The following CEP104 variants were observed in gnomAD, a reference collection of about 807,000 sequenced individuals.
CEP104 encodes centrosomal protein 104, also known as centrosomal protein of 104 kDa.
In CEP104, 84 loss-of-function variants were observed where a neutral mutation model predicts 113.3. That is an observed-to-expected ratio of 0.74 (90% CI 0.62 to 0.89). CEP104 has a LOEUF of 0.89. Among genes scored for constraint, CEP104 ranks in the 40% least tolerant of loss-of-function variants. The pLI is 0.00. For missense variants in CEP104, 1,053 were observed against 1,156.6 expected (o/e 0.91, Z 1.30); for synonymous variants, 378 against 421.7 (o/e 0.90, Z 1.27).
chr1:3,830,686 G>A (rs1644187041), intron 13 of CEP104, among the ~76,000 whole-genome samples: 1 of 149,382 alleles, frequency 6.7e-6, no homozygotes, highest in South Asian at 2.1e-4. Flanking sequence ...TGAGGCAGGA[G>A]AATGGCATGA....
chr1:3,835,672 A>G (rs925607026), intron 10 of CEP104, among the ~76,000 whole-genome samples: 1 of 151,996 alleles, frequency 6.6e-6, no homozygotes, highest in African/African-American at 2.4e-5. Flanking sequence ...CGCCTGGCCA[A>G]CTCTACTCAT....
rs994074047 is a variant in CEP104, at chr1:3,814,517, C to A, written c.*885G>T. On this transcript the variant is annotated 3_prime_UTR_variant, in exon 22 of 22. Transcript: ENST00000378230. ...ATGTGGAAGGGGCGGGAGGCCCATA[C>A]CAGTGGGCTTCTGCCTGCTGTGAAC... 1 of 152,242 alleles carries A rather than the reference C, an allele frequency of 6.6e-6. No individual in the cohort carries two copies. Among genetic ancestry groups the A allele is most frequent in the Admixed American group, 6.5e-5 (1 of 15,288 alleles). The allele number at this position is 152,242 out of a possible 1,614,324, so 9.4% of individuals were successfully genotyped here. A position where few individuals can be genotyped will look rare whatever the true frequency, so the allele number is the denominator to read the frequency against.
At chr1:3,816,528 G>A (rs1643883838) in intron 20 of CEP104, 158 bp from the exon 21 acceptor site, 22 of 595,978 alleles carry the variant, frequency 3.7e-5, no homozygotes, top group Non-Finnish European at 1.2e-5. Flanking sequence ...CCTCCCTTCG[G>A]ATATGTTATG....
At chr1:3,854,107 C>G (rs1409429174) in intron 1 of CEP104, among the ~76,000 whole-genome samples, 1 of 152,136 alleles carries the variant, frequency 6.6e-6, no homozygotes, top group Non-Finnish European at 1.5e-5. Flanking sequence ...AGGTACTTTT[C>G]CCTTGGCCAC....
chr1:3,817,646 C>G (rs959922838), intron 20 of CEP104, among the ~76,000 whole-genome samples: 1 of 152,208 alleles, frequency 6.6e-6, no homozygotes, highest in African/African-American at 2.4e-5. Context: ...GGCCCACCGG[C>G]ACATGGGGTG....
In CEP104 at chr1:3,848,755, A is replaced by G. The variant is rs553224586; in HGVS notation, c.140T>C (p.Val47Ala). The change falls in exon 3 of 22, where the codon GTC becomes GCC. Residue 47 changes from valine to alanine, a missense_variant. Val to Ala is a moderately conservative substitution (Grantham distance 64). Coordinates refer to ENST00000378230, the MANE Select transcript of CEP104 (RefSeq NM_014704.4). ...TCGACATCTCTCCACCATTTGAAGG[A>G]CAATTTCTTGTGGAAACTGGCAAAA... The part of the protein sequence containing the change: ...PRFCQFPQEI[V>A]LQMVERCRIR... 3 of 1,609,876 alleles carry G rather than the reference A, an allele frequency of 1.9e-6. No homozygotes were observed. The South Asian group carries it at 3.3e-5, about 18-fold the overall frequency.
chr1:3,845,975 A>AATCTCCC (rs1644498402), intron 4 of CEP104, among the ~76,000 whole-genome samples: 1 of 150,254 alleles, frequency 6.7e-6, no homozygotes, highest in Non-Finnish European at 1.5e-5. Context: ...GCTACTCAGG[A>AATCTCCC]GGCTGAGGCA....
intron 1 of CEP104, among the ~76,000 whole-genome samples, chr1:3,852,934 C>T (rs1457075090): frequency 1.3e-5 from 2 of 152,198 alleles, no homozygotes; most frequent in Non-Finnish European, 2.9e-5. Context: ...CCAGCAGGCG[C>T]CCAAGGTTAG....
rs1644099838 is a variant in CEP104, at chr1:3,826,739, T to G, written c.2157A>C (p.Lys719Asn). The G allele has an allele frequency of 6.2e-7, 1 of 1,614,126 alleles. No individual in the cohort carries two copies. Among genetic ancestry groups the G allele is most frequent in the Admixed American group, 1.7e-5 (1 of 60,028 alleles). The stretch of plus-strand genomic sequence containing the variant: ...TCTTTGGCTTCACAGCATCACTTTC[T>G]TTTTCCTAAGACACAGAAACAGTGA... ...LKEIQAEVQE[K>N]ESDAVKPKNQ... Residue 719 changes from lysine to asparagine, a missense_variant, in exon 16 of 22, where the codon AAA (lysine) becomes AAC (asparagine). Coordinates refer to ENST00000378230, the MANE Select transcript of CEP104 (RefSeq NM_014704.4).
chr1:3,833,741 A>G, intron 12 of CEP104, 121 bp downstream of exon 12: 1 of 903,126 alleles, frequency 1.1e-6, no homozygotes, highest in Non-Finnish European at 1.7e-6. Flanking sequence ...GTGATGGTGA[A>G]TCCCTGAGAA....
intron 12 of CEP104, chr1:3,833,544 G>C (rs967862996): frequency 4.1e-6 from 1 of 246,266 alleles, no homozygotes; most frequent in Non-Finnish European, 7.8e-6. Context: ...TTTCTATTAA[G>C]ACAGTTATAT....
At chr1:3,840,785 C>G (rs1030217809) in intron 6 of CEP104, among the ~76,000 whole-genome samples, 2 of 152,126 alleles carry the variant, frequency 1.3e-5, no homozygotes, top group African/African-American at 4.8e-5. Context: ...GATGACCCAC[C>G]CATCTCGGAC....
At chr1:3,831,359 G>A in intron 12 of CEP104, 137 bp from the exon 13 acceptor site, 2 of 664,112 alleles carry the variant, frequency 3.0e-6, no homozygotes, top group African/African-American at 1.8e-5. Flanking sequence ...GGAGCAATGA[G>A]AGCACTGATC....
chr1:3,817,832 T>C (rs1467098272), intron 20 of CEP104, among the ~76,000 whole-genome samples: 3 of 152,236 alleles, frequency 2.0e-5, no homozygotes, highest in Admixed American at 1.3e-4. Flanking sequence ...AATGAACTCA[T>C]GCGCCTGGGC....
intron 2 of CEP104, among the ~76,000 whole-genome samples, chr1:3,851,897 CAGTT>C (rs1032100716): frequency 1.1e-4 from 16 of 152,162 alleles, no homozygotes; most frequent in Admixed American, 5.2e-4. Context: ...CATATAAAAA[CAGTT>C]AGACACACAC....
intron 21 of CEP104, chr1:3,816,077 G>C (rs1643875723): frequency 1.9e-6 from 1 of 532,124 alleles, no homozygotes; most frequent in African/African-American, 2.0e-5. Flanking sequence ...CAGCCAGTTT[G>C]CAGGTGGAGA....
chr1:3,815,940 TG>T (rs1643873770), intron 21 of CEP104, among the ~76,000 whole-genome samples: 1 of 152,132 alleles, frequency 6.6e-6, no homozygotes, highest in Non-Finnish European at 1.5e-5. Context: ...CCCAAAGTGC[TG>T]GGATTATAGG....
At chr1:3,854,510 C>T (rs999073544) in intron 1 of CEP104, among the ~76,000 whole-genome samples, 10 of 152,170 alleles carry the variant, frequency 6.6e-5, no homozygotes, top group Non-Finnish European at 1.5e-4. Flanking sequence ...AATCTATCAC[C>T]CAGGCTGGAG....
At chr1:3,844,863 G>T in intron 6 of CEP104, 44 bp downstream of exon 6, 1 of 1,518,856 alleles carries the variant, frequency 6.6e-7, no homozygotes, top group Non-Finnish European at 9.1e-7. Context: ...TCAGGATTCT[G>T]AGGAAAGTAA....
Sources: allele counts gnomAD v4.1 joint callset (sites outside exome capture counted in the v4.1 genomes callset), GRCh38; gene constraint gnomAD v4.1.1; transcripts MANE v1.5; gene names NCBI Gene and HGNC (gene_info 2026-07-23, HGNC 2026-07-21).